Variants in DNMT3A observed in about 807,000 individuals in gnomAD.
The protein encoded by DNMT3A is DNA methyltransferase 3 alpha.
In DNMT3A, 267 loss-of-function variants were observed where a neutral mutation model predicts 117.6. The observed-to-expected ratio is 2.27, with a 90% CI of 2.05 to 2.51. The LOEUF is 2.51. DNMT3A is among the 30% of genes most tolerant of loss of function. DNMT3A has a pLI of 0.00. For synonymous variants in DNMT3A, 432 were observed against 474.8 expected, an observed-to-expected ratio of 0.91 and a Z score of 1.17; for missense variants, 1,029 against 1,260.2, an observed-to-expected ratio of 0.82 and a Z score of 2.78.
intron 19 of DNMT3A, chr2:25,239,480 C>A (rs1289835453): frequency 1.7e-6 from 1 of 600,858 alleles, no homozygotes; most frequent in South Asian, 1.5e-5. Flanking sequence ...ATTCAGTGGC[C>A]ACTAGCCCAC....
rs1238267921 is a variant in DNMT3A, at chr2:25,247,236, G to A, written c.1015-78C>T. 9 of 1,440,176 alleles carry A rather than the reference G, an allele frequency of 6.2e-6. No individual in the cohort carries two copies. Among genetic ancestry groups the A allele is most frequent in the Non-Finnish European group, 7.7e-6 (8 of 1,037,562 alleles). The allele number at this position is 1,440,176 out of a possible 1,614,324, so 89.2% of individuals were successfully genotyped here. A position where few individuals can be genotyped will look rare whatever the true frequency, so the allele number is the denominator to read the frequency against. The stretch of plus-strand genomic sequence containing the variant: ...ACCCCATGCCTTGCAACTGGCAGGG[G>A]CTGGGAGCCTCGAGAGTCAGTCTCA... On this transcript the variant is annotated intron_variant, in intron 8 of 22. Coordinates refer to ENST00000321117, the MANE Select transcript of DNMT3A (RefSeq NM_022552.5). The surrounding 1 kb of genome is among the most constrained non-coding windows in gnomAD (Gnocchi z 5.6).
intron 1 of DNMT3A, among the ~76,000 whole-genome samples, chr2:25,332,895 C>A (rs931460335): frequency 9.9e-5 from 15 of 152,244 alleles, no homozygotes; most frequent in African/African-American, 3.4e-4. Flanking sequence ...GTGGTCTAGA[C>A]CCTCCCCTGC....
intron 12 of DNMT3A, 107 bp downstream of exon 12, chr2:25,245,913 G>T: frequency 7.3e-7 from 1 of 1,376,354 alleles, no homozygotes; most frequent in Non-Finnish European, 1.0e-6. Context: ...GGTGTGACAC[G>T]CAGGACGTGG....
chr2:25,246,747 G>A lies in DNMT3A; in HGVS notation c.1152C>T (p.Phe384=), dbSNP rs772806861. The change falls in exon 10 of 23, where the codon TTC becomes TTT. Residue 384 remains phenylalanine (F), a synonymous_variant. Transcript: ENST00000321117. ...QVASSRAGKL[F]PVCHDSDESD... ...TCTCATCGCTGTCGTGGCACACCGG[G>A]AACAGCTTCCCCGCGCGGCTGCTGG... is the stretch of plus-strand genomic sequence containing the variant. 9.3e-6 allele frequency: 15 copies of A among 1,613,722 alleles called. No homozygotes were observed. The highest frequency in any genetic ancestry group is 2.2e-5 in the East Asian group (1 of 44,890).
At chr2:25,235,343 C>A (rs565101964) in intron 22 of DNMT3A, among the ~76,000 whole-genome samples, 1 of 152,276 alleles carries the variant, frequency 6.6e-6, no homozygotes, top group African/African-American at 2.4e-5. Flanking sequence ...CGCCACCACA[C>A]CCAGCTAATT....
At chr2:25,273,359 A>G (rs984155377) in intron 6 of DNMT3A, among the ~76,000 whole-genome samples, 2 of 152,064 alleles carry the variant, frequency 1.3e-5, no homozygotes, top group Admixed American at 6.6e-5. Flanking sequence ...TCAGCTTCCC[A>G]AAGTGCTGAG....
chr2:25,244,534 C>A lies in DNMT3A; in HGVS notation c.1667+6G>T. The A allele has an allele frequency of 6.2e-7, 1 of 1,614,078 alleles. No homozygotes were observed. Among genetic ancestry groups the A allele is most frequent in the African/African-American group, 1.3e-5 (1 of 75,038 alleles). On this transcript the variant is annotated splice_donor_region_variant and intron_variant, in intron 14 of 22. Coordinates refer to ENST00000321117, the MANE Select transcript of DNMT3A (RefSeq NM_022552.5). ...AGGAGACCACTGGAGGCCACAACAGCCTCACCTGCAGCAGTTGTTGTTTCC... is the reference window on the plus strand; with the variant it reads ...AGGAGACCACTGGAGGCCACAACAGACTCACCTGCAGCAGTTGTTGTTTCC...
In DNMT3A at chr2:25,306,206, C is replaced by T. The variant is rs892754632; in HGVS notation, c.73-5963G>A. ...ACAGACACTCACATATGCTTGCACACACACCCGTGCCCAGGCCAACCTGCA... is the reference window on the plus strand; with the variant it reads ...ACAGACACTCACATATGCTTGCACATACACCCGTGCCCAGGCCAACCTGCA... On this transcript the variant is annotated intron_variant, in intron 2 of 22. Transcript: ENST00000321117. This position sits in a 1 kb window ranked among gnomAD's most constrained non-coding sequence, Gnocchi z 4.1. Among the ~76,000 whole-genome samples, 16 of 152,216 alleles carry T rather than the reference C, an allele frequency of 1.1e-4. No homozygotes were observed. The highest frequency in any genetic ancestry group is 3.6e-4 in the African/African-American group (15 of 41,452).
At chr2:25,275,410 G>GGCCACCC in intron 5 of DNMT3A, 90 bp downstream of exon 5, 1 of 1,451,162 alleles carries the variant, frequency 6.9e-7, no homozygotes, top group Non-Finnish European at 9.4e-7. Context: ...AGGAGGAGGG[G>GGCCACCC]CCCACCCTCC....
rs1475576512 is a variant in DNMT3A at position 25,337,471 on chromosome 2, C to T, written c.-178+4355G>A. On this transcript the variant is annotated intron_variant, in intron 1 of 22. Transcript: ENST00000321117. The surrounding 1 kb of genome is among the most constrained non-coding windows in gnomAD (Gnocchi z 5.0). ...TGTAAGCAGAATCCACGCACACTCC[C>T]ATGTTACAGGTGAGGAAACTGAGGC... Among the ~76,000 whole-genome samples the T allele has an allele frequency of 6.6e-6, 1 of 152,220 alleles. No individual in the cohort carries two copies. The highest frequency in any genetic ancestry group is 1.5e-5 in the Non-Finnish European group (1 of 68,038).
intron 16 of DNMT3A, among the ~76,000 whole-genome samples, chr2:25,242,716 C>A (rs371000949): frequency 6.6e-6 from 1 of 152,102 alleles, no homozygotes; most frequent in South Asian, 2.1e-4. Context: ...TCTTAAAAGC[C>A]GGGAAGCCCT....
At chr2:25,251,767 G>A (rs2149324365) in intron 6 of DNMT3A, 1 of 240,758 alleles carries the variant, frequency 4.2e-6, no homozygotes, top group Non-Finnish European at 8.1e-6. Flanking sequence ...GCCGCAAGCT[G>A]GCAGGGCCCT....
Position 25,247,877 on chromosome 2 carries a change from G to A in DNMT3A, c.856-128C>T. On this transcript the variant is annotated intron_variant, in intron 7 of 22. Coordinates refer to ENST00000321117, the MANE Select transcript of DNMT3A (RefSeq NM_022552.5). This position sits in a 1 kb window ranked among gnomAD's most constrained non-coding sequence, Gnocchi z 5.6. ...AGCCAGGAGGGAGCTCCATCTGAAT[G>A]AGGCAAGACAGAGCAAAATCGGGGA... 2 of 1,516,962 alleles carry A rather than the reference G, an allele frequency of 1.3e-6. No individual in the cohort carries two copies. Among genetic ancestry groups the A allele is most frequent in the Non-Finnish European group, 8.8e-7 (1 of 1,132,462 alleles). The allele number at this position is 1,516,962 out of a possible 1,614,324, so 94.0% of individuals were successfully genotyped here. A position where few individuals can be genotyped will look rare whatever the true frequency, so the allele number is the denominator to read the frequency against.
rs370376334 is a variant in DNMT3A at position 25,244,599 on chromosome 2, G to C, written c.1608C>G (p.Tyr536Ter). 1 of 1,614,202 alleles carries C rather than the reference G, an allele frequency of 6.2e-7. No homozygotes were observed. Among genetic ancestry groups the C allele is most frequent in the Non-Finnish European group, 8.5e-7 (1 of 1,180,006 alleles). Residue 536 changes from tyrosine to a stop codon, truncating the protein, a stop_gained, in exon 14 of 23, where the codon TAC becomes TAG. Coordinates refer to ENST00000321117, the MANE Select transcript of DNMT3A (RefSeq NM_022552.5). LOFTEE classifies it high-confidence loss of function. Reference protein sequence around the residue: ...YQYDDDGYQSYCTICCGGREV... With the variant: ...YQYDDDGYQS ...CACGGCCCCCACAGCAGATGGTGCAGTAGGACTGGTAGCCGTCGTCGTCGT... is the reference window on the plus strand; with the variant it reads ...CACGGCCCCCACAGCAGATGGTGCACTAGGACTGGTAGCCGTCGTCGTCGT...
chr2:25,244,054 C>T, intron 15 of DNMT3A, 72 bp from the exon 16 acceptor site: 3 of 1,576,524 alleles, frequency 1.9e-6, no homozygotes, highest in South Asian at 1.2e-5. Context: ...GCTGGCCCTC[C>T]AGCCAGGCTC....
chr2:25,279,682 G>GT (rs559160818), intron 4 of DNMT3A, among the ~76,000 whole-genome samples: 9,339 of 143,190 alleles, frequency 0.065, 302 homozygotes, highest in African/African-American at 0.081. Flanking sequence ...GCCAAAGTTT[G>GT]TTTTTTTTTT....
intron 2 of DNMT3A, among the ~76,000 whole-genome samples, chr2:25,302,694 G>A (rs1264008484): frequency 6.6e-6 from 1 of 152,204 alleles, no homozygotes; most frequent in Admixed American, 6.5e-5. Context: ...ACCCCCGAGT[G>A]TAAGAAAGGA....
rs923051265 is a variant in DNMT3A at position 25,293,350 on chromosome 2, G to C, written c.177+6789C>G. ...ATGAACGCCATGCTCATGGGTGCCA[G>C]AGCCAATTTCTCAAACACGACTCCC... On this transcript the variant is annotated intron_variant, in intron 3 of 22. Coordinates refer to ENST00000321117, the MANE Select transcript of DNMT3A (RefSeq NM_022552.5). The surrounding 1 kb of genome is among the most constrained non-coding windows in gnomAD (Gnocchi z 4.7). 6.6e-6 allele frequency among the ~76,000 whole-genome samples: 1 copy of C among 152,174 alleles called. No individual in the cohort carries two copies. Among genetic ancestry groups the C allele is most frequent in the African/African-American group, 2.4e-5 (1 of 41,426 alleles).
chr2:25,246,364 C>A, intron 10 of DNMT3A, 55 bp from the exon 11 acceptor site: 1 of 1,547,768 alleles, frequency 6.5e-7, no homozygotes, highest in Non-Finnish European at 8.7e-7. Context: ...GAAACTCCAG[C>A]CCCTTCCCCC....
Sources: gnomAD v4.1 joint callset for allele counts (sites outside exome capture counted in the v4.1 genomes callset) on GRCh38, gnomAD v4.1.1 for gene constraint, Gnocchi (gnomAD v3.1) non-coding constraint, MANE v1.5 for transcripts, NCBI Gene and HGNC (gene_info 2026-07-23, HGNC 2026-07-21) for gene names.